Variants in TBC1D9B observed in about 807,000 individuals in gnomAD.
The protein encoded by TBC1D9B is TBC1 domain family member 9B, also known as TBC1 domain family, member 9B (with GRAM domain).
Under a neutral mutation model 121.1 loss-of-function variants are expected in TBC1D9B, and 87 were observed. The observed-to-expected ratio is 0.72, with a 90% CI of 0.60 to 0.86. The LOEUF (loss-of-function observed/expected upper bound fraction) is 0.86, where lower values mean the gene tolerates loss of function less well. Ranked by LOEUF, TBC1D9B falls within the 40% of genes least tolerant of loss-of-function variation. TBC1D9B has a pLI of 0.00. For synonymous variants in TBC1D9B, 668 were observed against 670.1 expected (o/e 1.00, Z 0.05); for missense variants, 1,540 against 1,628.6 (o/e 0.95, Z 0.94).
intron 12 of TBC1D9B, among the ~76,000 whole-genome samples, chr5:179,873,808 G>A (rs1291842316): frequency 6.6e-6 from 1 of 152,006 alleles, no homozygotes; most frequent in African/African-American, 2.4e-5. Context: ...TGACACTCAG[G>A]TGGGAGGAGG....
In TBC1D9B at chr5:179,871,478, A is replaced by C; in HGVS notation, c.2468T>G (p.Leu823Arg). 1 of 1,613,062 alleles carries C rather than the reference A, an allele frequency of 6.2e-7. No homozygotes were observed. Among genetic ancestry groups the C allele is most frequent in the Non-Finnish European group, 8.5e-7 (1 of 1,179,618 alleles). ...AGCTGTCACCTTAAACACCATGTAA[A>C]GGTCCTCCAGCTCTTCAATGGAGAA... Reference protein sequence around the residue: ...IGFSIEELEDLYMVFKAKHLA... With the variant: ...IGFSIEELEDRYMVFKAKHLA... Residue 823 changes from leucine to arginine, a missense_variant, in exon 15 of 21, where the codon CTT becomes CGT. By Grantham distance (102) the Leu-to-Arg change is moderately radical (BLOSUM62 -2). Coordinates refer to ENST00000355235, the MANE Select transcript of TBC1D9B (RefSeq NM_015043.4).
rs1036543978 is a variant in TBC1D9B at position 179,870,175 on chromosome 5, C to G, written c.2725+80G>C. 9 of 1,577,950 alleles carry G rather than the reference C, an allele frequency of 5.7e-6. No individual in the cohort carries two copies. The Admixed American group carries it at 1.4e-4, about 24-fold the overall frequency. On this transcript the variant is annotated intron_variant, in intron 16 of 20. Coordinates refer to ENST00000355235, the MANE Select transcript of TBC1D9B (RefSeq NM_015043.4). ...CCCTACTTGCTGCAGGGGGAACAGACAGGAGATGCTGGCATTTGGAGGCTT... is the reference window on the plus strand; with the variant it reads ...CCCTACTTGCTGCAGGGGGAACAGAGAGGAGATGCTGGCATTTGGAGGCTT...
chr5:179,874,810 GCA>G lies in TBC1D9B; in HGVS notation c.2186+90_2186+91del, dbSNP rs773249360. 73 of 1,526,636 alleles carry G rather than the reference GCA, an allele frequency of 4.8e-5. No individual in the cohort carries two copies. Among genetic ancestry groups the G allele is most frequent in the African/African-American group, 6.8e-5 (5 of 73,290 alleles). The allele number at this position is 1,526,636 out of a possible 1,614,324, so 94.6% of individuals were successfully genotyped here. A position where few individuals can be genotyped will look rare whatever the true frequency, so the allele number is the denominator to read the frequency against. ...CCAGCTGCAGCCTGGCACTTGGTGG[GCA>G]CAGTCACTTCAGGCTGACTGGACAG... is the stretch of plus-strand genomic sequence containing the variant. On this transcript the variant is annotated intron_variant, in intron 12 of 20. Coordinates refer to ENST00000355235, the MANE Select transcript of TBC1D9B (RefSeq NM_015043.4). This position sits in a 1 kb window ranked among gnomAD's most constrained non-coding sequence, Gnocchi z 4.3.
At chr5:179,873,972 G>A (rs1037411036) in intron 12 of TBC1D9B, among the ~76,000 whole-genome samples, 3 of 152,206 alleles carry the variant, frequency 2.0e-5, no homozygotes, top group African/African-American at 7.2e-5. Flanking sequence ...TGGACCAAAA[G>A]CTACTTAGGC....
rs539549770 is a variant in TBC1D9B at position 179,904,182 on chromosome 5, G to A, written c.229+520C>T. Among the ~76,000 whole-genome samples, 1 of 149,712 alleles carries A rather than the reference G, an allele frequency of 6.7e-6. No homozygotes were observed. The highest frequency in any genetic ancestry group is 2.0e-4 in the East Asian group (1 of 5,062). On this transcript the variant is annotated intron_variant, in intron 2 of 20. Transcript: ENST00000355235. The surrounding 1 kb of genome is among the most constrained non-coding windows in gnomAD (Gnocchi z 4.2). Reference sequence around the variant, plus strand: ...GAGGTACATGGGGATCCATGGGGCTGTCCTCTCCTGCCCTGTCCCCATGAC... The same window carrying A: ...GAGGTACATGGGGATCCATGGGGCTATCCTCTCCTGCCCTGTCCCCATGAC...
At chr5:179,876,533 C>A (rs879752557) in intron 10 of TBC1D9B, among the ~76,000 whole-genome samples, 1 of 152,220 alleles carries the variant, frequency 6.6e-6, no homozygotes, top group Non-Finnish European at 1.5e-5. Flanking sequence ...TAGCTGCTAA[C>A]AAGACCTTTA....
At chr5:179,906,495 A>C (rs532592577) in intron 1 of TBC1D9B, among the ~76,000 whole-genome samples, 2 of 151,248 alleles carry the variant, frequency 1.3e-5, no homozygotes, top group East Asian at 1.9e-4. Context: ...AATATGACAC[A>C]CTGGCGCGCT....
intron 12 of TBC1D9B, among the ~76,000 whole-genome samples, chr5:179,873,454 G>A (rs1024281218): frequency 1.3e-5 from 2 of 152,330 alleles, no homozygotes; most frequent in South Asian, 4.1e-4. Flanking sequence ...CAGTGCCCCC[G>A]ACAAGGCCTG....
rs965927320 is a variant in TBC1D9B at position 179,879,532 on chromosome 5, G to A, written c.1416+96C>T. The A allele has an allele frequency of 5.0e-6, 8 of 1,585,628 alleles. No individual in the cohort carries two copies. The African/African-American group carries it at 9.4e-5, about 19-fold the overall frequency. ...GGCACTGCCCAGCGGTCAGCCCAGGGCCCTGAGGGAAGGCCCAGGCCCAGG... is the reference window on the plus strand; with the variant it reads ...GGCACTGCCCAGCGGTCAGCCCAGGACCCTGAGGGAAGGCCCAGGCCCAGG... On this transcript the variant is annotated intron_variant, in intron 8 of 20. Coordinates refer to ENST00000355235, the MANE Select transcript of TBC1D9B (RefSeq NM_015043.4).
rs1760286925 is a variant in TBC1D9B at position 179,874,140 on chromosome 5, C to T, written c.2186+762G>A. On this transcript the variant is annotated intron_variant, in intron 12 of 20. Transcript: ENST00000355235. This position sits in a 1 kb window ranked among gnomAD's most constrained non-coding sequence, Gnocchi z 4.3. ...TGTAGGAGGGTGGGACTGCACAGAG[C>T]TCAGGGCAGGGCAGAGTGTAGCCAG... Among the ~76,000 whole-genome samples, 1 of 152,138 alleles carries T rather than the reference C, an allele frequency of 6.6e-6. No individual in the cohort carries two copies. Among genetic ancestry groups the T allele is most frequent in the African/African-American group, 2.4e-5 (1 of 41,430 alleles).
chr5:179,903,082 G>A (rs1314834521), intron 2 of TBC1D9B, among the ~76,000 whole-genome samples: 2 of 152,260 alleles, frequency 1.3e-5, no homozygotes, highest in Middle Eastern at 3.4e-3. Flanking sequence ...AAACTTTTGA[G>A]TCTCATCATC....
intron 6 of TBC1D9B, among the ~76,000 whole-genome samples, chr5:179,889,513 G>C (rs1760797607): frequency 6.6e-6 from 1 of 152,094 alleles, no homozygotes; most frequent in Non-Finnish European, 1.5e-5. Context: ...TCTAAGCAGG[G>C]TGCCAACATG....
intron 5 of TBC1D9B, 31 bp downstream of exon 5, chr5:179,893,178 G>A: frequency 1.9e-6 from 3 of 1,572,132 alleles, no homozygotes; most frequent in Non-Finnish European, 2.6e-6. Context: ...TGGCTCACAT[G>A]AGCCCACCCC....
At position 179,872,902 on chromosome 5, in the gene TBC1D9B, T is replaced by C; in HGVS notation, c.2405A>G (p.Lys802Arg). 1 of 1,508,540 alleles carries C rather than the reference T, an allele frequency of 6.6e-7. No individual in the cohort carries two copies. Among genetic ancestry groups the C allele is most frequent in the South Asian group, 1.1e-5 (1 of 89,550 alleles). The allele number at this position is 1,508,540 out of a possible 1,614,324, so 93.4% of individuals were successfully genotyped here. Reference protein sequence around the residue: ...KVIQSLEDTAKRSVVRAIPVD... With the variant: ...KVIQSLEDTARRSVVRAIPVD... The stretch of plus-strand genomic sequence containing the variant: ...TGCTGGCACCCATACCACACTCCTC[T>C]TGGCCGTGTCCTCCAAGGACTGGAT... Residue 802 changes from lysine to arginine, a missense_variant, in exon 14 of 21, where the codon AAG becomes AGG. Coordinates refer to ENST00000355235, the MANE Select transcript of TBC1D9B (RefSeq NM_015043.4).
At position 179,907,411 on chromosome 5, in the gene TBC1D9B, G is replaced by C. The variant is rs989812384; in HGVS notation, c.118+293C>G. Among the ~76,000 whole-genome samples the C allele has an allele frequency of 2.7e-3, 410 of 151,538 alleles. No individual in the cohort carries two copies. Among genetic ancestry groups the C allele is most frequent in the Non-Finnish European group, 4.7e-3 (316 of 67,514 alleles). On this transcript the variant is annotated intron_variant, in intron 1 of 20. Transcript: ENST00000355235. The surrounding 1 kb of genome is among the most constrained non-coding windows in gnomAD (Gnocchi z 5.3). ...ACGGCCCCCGGGGCTCGCGGGCGCC[G>C]AATCCGGGCAGAAGCCGCCGCCGGT... is the stretch of plus-strand genomic sequence containing the variant.
At chr5:179,876,213 A>C (rs1760356398) in intron 10 of TBC1D9B, among the ~76,000 whole-genome samples, 176 bp from the exon 11 acceptor site, 1 of 152,040 alleles carries the variant, frequency 6.6e-6, no homozygotes, top group Non-Finnish European at 1.5e-5. Flanking sequence ...GCCTCCTCCT[A>C]CAAGCAAATC....
rs1300190563 is a variant in TBC1D9B at position 179,894,609 on chromosome 5, G to T, written c.354C>A (p.Ile118=). ...GCAGGTTCTTGTTCTCTTCTGCGAT[G>T]ATTCCCTGGAGGAAGGCAAGAGGAC... ...TTFVKGKIHG[I]IAEENKNLQP... is the part of the protein sequence containing the mutation. Residue 118 remains isoleucine (I), a synonymous_variant, in exon 4 of 21, where the codon ATC becomes ATA. Transcript: ENST00000355235. 4 of 1,614,036 alleles carry T rather than the reference G, an allele frequency of 2.5e-6. No individual in the cohort carries two copies. The African/African-American group carries it at 5.3e-5, about 22-fold the overall frequency.
At chr5:179,864,182 G>A in intron 20 of TBC1D9B, 54 bp from the exon 21 acceptor site, 2 of 1,505,108 alleles carry the variant, frequency 1.3e-6, no homozygotes, top group South Asian at 1.3e-5. Context: ...CAGTCAGACG[G>A]GGTCCATATT....
At chr5:179,880,231 TCACCCGGTTGCTA>T (rs1401762662) in intron 7 of TBC1D9B, among the ~76,000 whole-genome samples, 1 of 152,166 alleles carries the variant, frequency 6.6e-6, no homozygotes, top group Non-Finnish European at 1.5e-5. Context: ...GGCGACTGCG[TCACCCGGTTGCTA>T]CCAAGGAAAT....
Sources: gnomAD v4.1 joint callset for allele counts (sites outside exome capture counted in the v4.1 genomes callset) on GRCh38, gnomAD v4.1.1 for gene constraint, Gnocchi (gnomAD v3.1) non-coding constraint, MANE v1.5 for transcripts, NCBI Gene and HGNC (gene_info 2026-07-23, HGNC 2026-07-21) for gene names.